The following ANXA4 variants were observed in gnomAD, a reference collection of about 807,000 sequenced individuals.
The protein encoded by ANXA4 is annexin A4, also known as 35-beta calcimedin.
Under a neutral mutation model 49.8 loss-of-function variants are expected in ANXA4, and 39 were observed. That is an observed-to-expected ratio of 0.78 (90% CI 0.61 to 1.02). The LOEUF is 1.02. Among genes scored for constraint, ANXA4 ranks in the 50% least tolerant of loss-of-function variants. ANXA4 has a pLI of 0.00. For synonymous variants in ANXA4, 134 were observed against 152.5 expected (o/e 0.88, Z 0.89); for missense variants, 360 against 410.1 (o/e 0.88, Z 1.05).
In ANXA4 at chr2:69,680,817, G is replaced by A. The variant is rs61506899; in HGVS notation, n.766+27535G>A. Among the ~76,000 whole-genome samples the A allele has an allele frequency of 1.7e-3, 264 of 152,212 alleles. 1 individual carries two copies. The highest frequency in any genetic ancestry group is 6.1e-3 in the African/African-American group (253 of 41,514). ...TAATGTATCACATTTATTGATTGGC[G>A]TATGTTGAACCATCCTTACATCCCT... is the stretch of plus-strand genomic sequence containing the variant. On this transcript the variant is annotated intron_variant and non_coding_transcript_variant, in intron 2 of 3. Coordinates refer to the ANXA4 transcript ENST00000418066.
intron 3 of ANXA4, among the ~76,000 whole-genome samples, chr2:69,735,105 C>A (rs949617271): frequency 6.6e-6 from 1 of 152,202 alleles, no homozygotes; most frequent in Non-Finnish European, 1.5e-5. Context: ...ACCTCACAAG[C>A]TAACTGCTTT....
chr2:69,665,724 T>TA (rs929838863), intron 2 of ANXA4, among the ~76,000 whole-genome samples: 11 of 152,002 alleles, frequency 7.2e-5, no homozygotes, highest in African/African-American at 1.2e-4. Context: ...ACACAAGTGA[T>TA]AAAAAAACAG....
chr2:69,754,897 G>A lies in ANXA4; in HGVS notation c.-47+12722G>A, dbSNP rs1670983613. ...ATTTTGGTGACTCTAGGCTGGGCTT[G>A]TTCTTTGGAAGTGAGAAGGTAGAGT... On this transcript the variant is annotated intron_variant, in intron 1 of 12. Coordinates refer to ENST00000394295, the MANE Select transcript of ANXA4 (RefSeq NM_001153.5). Among the ~76,000 whole-genome samples, 4 of 152,174 alleles carry A rather than the reference G, an allele frequency of 2.6e-5. 1 individual carries two copies. In the South Asian group the frequency reaches 8.3e-4, roughly 32 times the overall value.
chr2:69,719,344 T>A (rs1340959034), intron 2 of ANXA4, among the ~76,000 whole-genome samples: 2 of 147,948 alleles, frequency 1.4e-5, no homozygotes, highest in Admixed American at 6.9e-5. Context: ...CATAGCACAT[T>A]GCAGCCTCCT....
intron 1 of ANXA4, among the ~76,000 whole-genome samples, chr2:69,649,436 C>T (rs913241874): frequency 6.6e-6 from 1 of 150,554 alleles, no homozygotes; most frequent in Non-Finnish European, 1.5e-5. Flanking sequence ...TTATTTTTTT[C>T]ATTCCATAGT....
intron 2 of ANXA4, among the ~76,000 whole-genome samples, chr2:69,659,856 T>C (rs558215907): frequency 3.2e-4 from 49 of 152,230 alleles, no homozygotes; most frequent in African/African-American, 1.1e-3. Context: ...CCATTGCAAT[T>C]GCTGGTGGCA....
chr2:69,812,566 A>G, intron 7 of ANXA4, 87 bp from the exon 8 acceptor site: 2 of 1,157,156 alleles, frequency 1.7e-6, no homozygotes, highest in South Asian at 2.8e-5. Flanking sequence ...ATTTTGTCTC[A>G]TTACTCTAGA....
intron 2 of ANXA4, among the ~76,000 whole-genome samples, chr2:69,720,342 G>C (rs542440164): frequency 6.6e-6 from 1 of 152,112 alleles, no homozygotes; most frequent in Non-Finnish European, 1.5e-5. Context: ...CCACTTTCAC[G>C]CAGGCTTTGC....
intron 3 of ANXA4, among the ~76,000 whole-genome samples, chr2:69,734,742 C>A (rs35424503): frequency 6.6e-6 from 1 of 150,818 alleles, no homozygotes; most frequent in Non-Finnish European, 1.5e-5. Context: ...ATCTTCCAGC[C>A]GGGTGCAGTG....
At chr2:69,820,633 G>A (rs1401766207) in intron 11 of ANXA4, 66 bp from the exon 12 acceptor site, 37 of 1,586,450 alleles carry the variant, frequency 2.3e-5, no homozygotes, top group Admixed American at 5.2e-5. Flanking sequence ...TGCTTTGATA[G>A]ACTAAAGAAG....
chr2:69,646,162 T>C (rs1392712535), intron 1 of ANXA4, among the ~76,000 whole-genome samples: 1 of 152,206 alleles, frequency 6.6e-6, no homozygotes, highest in Non-Finnish European at 1.5e-5. Flanking sequence ...CTGGGCTTAT[T>C]ATCTCAGCTA....
upstream of ANXA4, among the ~76,000 whole-genome samples, chr2:69,740,637 G>C (rs1284101974): frequency 9.5e-6 from 1 of 105,168 alleles, no homozygotes; most frequent in East Asian, 2.8e-4. Flanking sequence ...TTTATTTTTT[G>C]TTTTCTTTTC....
At chr2:69,748,555 A>G (rs1670714479) in intron 1 of ANXA4, among the ~76,000 whole-genome samples, 3 of 151,038 alleles carry the variant, frequency 2.0e-5, no homozygotes. Flanking sequence ...GTTAACTTGC[A>G]TTATTAATTT....
Position 69,647,277 on chromosome 2 carries a change from C to T in ANXA4, n.481+2372C>T, listed in dbSNP as rs1676040912. Among the ~76,000 whole-genome samples the T allele has an allele frequency of 2.0e-5, 3 of 152,092 alleles. No homozygotes were observed. In the South Asian group the frequency reaches 6.2e-4, roughly 31 times the overall value. On this transcript the variant is annotated intron_variant and non_coding_transcript_variant, in intron 1 of 3. Transcript: ENST00000418066. ...AACCCTTTATAAAAAGTAAAGCTCC[C>T]CTCTCCAAATTTATAAACCTTGGGA...
rs137937591 is a variant in ANXA4, at chr2:69,649,886, T to A, written n.482-3112T>A. Among the ~76,000 whole-genome samples, 1,345 of 149,424 alleles carry A rather than the reference T, an allele frequency of 9.0e-3. 5 individuals are homozygous for A. The highest frequency in any genetic ancestry group is 0.013 in the Non-Finnish European group (847 of 67,536). ...ATCCACCCGCATCAGCCTCCCAAAC[T>A]GCTGGGATTAAAGGTGTGAGCCACT... On this transcript the variant is annotated intron_variant and non_coding_transcript_variant, in intron 1 of 3. Transcript: ENST00000418066.
At chr2:69,669,803 C>T (rs1049013654) in intron 2 of ANXA4, among the ~76,000 whole-genome samples, 1 of 152,150 alleles carries the variant, frequency 6.6e-6, no homozygotes, top group African/African-American at 2.4e-5. Context: ...CCTCATCCTA[C>T]TGTCTTGTAT....
At chr2:69,823,229 A>C (rs1467185618) in intron 12 of ANXA4, among the ~76,000 whole-genome samples, 1 of 151,316 alleles carries the variant, frequency 6.6e-6, no homozygotes, top group Non-Finnish European at 1.5e-5. Flanking sequence ...TAGTGTATAT[A>C]TGTCTGTATA....
At chr2:69,715,815 G>A (rs1678863750) in intron 2 of ANXA4, among the ~76,000 whole-genome samples, 1 of 152,220 alleles carries the variant, frequency 6.6e-6, no homozygotes, top group South Asian at 2.1e-4. Flanking sequence ...GGAGACATCA[G>A]TGGTCTACCC....
intron 12 of ANXA4, among the ~76,000 whole-genome samples, chr2:69,823,369 T>C (rs1674329098): frequency 1.3e-5 from 2 of 151,478 alleles, no homozygotes; most frequent in African/African-American, 4.8e-5. Context: ...GCATAAAATA[T>C]GTAAATAATA....
Sources: allele counts gnomAD v4.1 joint callset (sites outside exome capture counted in the v4.1 genomes callset), GRCh38; gene constraint gnomAD v4.1.1; transcripts MANE v1.5; gene names NCBI Gene and HGNC (gene_info 2026-07-23, HGNC 2026-07-21).